Variants in PCDHA3 observed in about 807,000 individuals in gnomAD.
PCDHA3 encodes protocadherin alpha 3.
Under a neutral mutation model 62.2 loss-of-function variants are expected in PCDHA3, and 41 were observed. The observed-to-expected ratio is 0.66, with a 90% CI of 0.51 to 0.86. PCDHA3 has a LOEUF of 0.86. Ranked by LOEUF, PCDHA3 falls within the 40% of genes least tolerant of loss-of-function variation. PCDHA3 has a pLI of 0.00. For synonymous variants in PCDHA3, 640 were observed against 555.4 expected, an observed-to-expected ratio of 1.15 and a Z score of -2.14; for missense variants, 1,304 against 1,241.2, an observed-to-expected ratio of 1.05 and a Z score of -0.76.
At chr5:140,814,355 A>G (rs1266243705) in intron 1 of PCDHA3, 1 of 151,928 alleles carries the variant, frequency 6.6e-6, no homozygotes, top group African/African-American at 2.4e-5. Context: ...GGGCAGTTAC[A>G]CATGCGATGC....
chr5:140,883,946 G>C lies in PCDHA3; in HGVS notation c.2394+80355G>C, dbSNP rs139225969. ...GCAGGTGTTCGTGCTGGACGAGAACGACAACGCTCCGGCGCTGCTGACGCC... is the reference window on the plus strand; with the variant it reads ...GCAGGTGTTCGTGCTGGACGAGAACCACAACGCTCCGGCGCTGCTGACGCC... On this transcript the variant is annotated intron_variant, in intron 1 of 3. Coordinates refer to ENST00000522353, the MANE Select transcript of PCDHA3 (RefSeq NM_018906.3). The C allele has an allele frequency of 4.8e-5, 77 of 1,613,392 alleles. No individual in the cohort carries two copies. In the African/African-American group the frequency reaches 8.8e-4, roughly 18 times the overall value.
At chr5:141,003,046 A>C (rs530303478) in intron 3 of PCDHA3, among the ~76,000 whole-genome samples, 76 of 152,356 alleles carry the variant, frequency 5.0e-4, no homozygotes, top group African/African-American at 1.8e-3. Context: ...TCCTGGCCTT[A>C]ACAGAACAGT....
rs2150461190 is a variant in PCDHA3 at position 140,849,977 on chromosome 5, G to C, written c.2394+46386G>C. On this transcript the variant is annotated intron_variant, in intron 1 of 3. Coordinates refer to ENST00000522353, the MANE Select transcript of PCDHA3 (RefSeq NM_018906.3). ...AGAACGCCCTGGTGTCCTACTCGCT[G>C]GTGGAGCGGCGGTTGGGCGAGCGCT... 2.2e-5 allele frequency: 35 copies of C among 1,597,540 alleles called. 4 individuals are homozygous for C. The highest frequency in any genetic ancestry group is 3.0e-5 in the Non-Finnish European group (35 of 1,167,900).
At chr5:140,925,665 A>C (rs2082643258) in intron 1 of PCDHA3, among the ~76,000 whole-genome samples, 1 of 149,266 alleles carries the variant, frequency 6.7e-6, no homozygotes, top group Non-Finnish European at 1.5e-5. Flanking sequence ...TAATAATAAT[A>C]ATAATAATAA....
At chr5:140,907,411 GA>G (rs1435126945) in intron 1 of PCDHA3, among the ~76,000 whole-genome samples, 1 of 152,192 alleles carries the variant, frequency 6.6e-6, no homozygotes, top group Non-Finnish European at 1.5e-5. Flanking sequence ...GGAATACCAC[GA>G]TGGTGGATAA....
At chr5:140,883,521 T>G in intron 1 of PCDHA3, 1 of 1,614,202 alleles carries the variant, frequency 6.2e-7, no homozygotes, top group Non-Finnish European at 8.5e-7. Flanking sequence ...CGCGAGAGCG[T>G]ATCAGCCTAT....
At chr5:140,828,511 G>C in intron 1 of PCDHA3, 1 of 1,614,248 alleles carries the variant, frequency 6.2e-7, no homozygotes, top group Non-Finnish European at 8.5e-7. Flanking sequence ...AACAAAGAGT[G>C]CTGATTTACG....
At chr5:140,968,067 T>G in intron 1 of PCDHA3, 1 of 1,614,082 alleles carries the variant, frequency 6.2e-7, no homozygotes, top group Non-Finnish European at 8.5e-7. Context: ...CGGGTGGCTG[T>G]CTACAACATC....
At chr5:140,997,504 C>T (rs2097772452) in intron 3 of PCDHA3, among the ~76,000 whole-genome samples, 1 of 152,042 alleles carries the variant, frequency 6.6e-6, no homozygotes, top group South Asian at 2.1e-4. Flanking sequence ...TCTCAACATA[C>T]CTAAACGCAG....
chr5:140,803,165 A>G lies in PCDHA3; in HGVS notation c.1968A>G (p.Glu656=). ...TGGTGCTGGTGAAGGACCACGGTGA[A>G]CCCTCATTGACCGCCACGGCCACTG... ...RLLVLVKDHG[E]PSLTATATVL... The change falls in exon 1 of 4, where the codon GAA becomes GAG. Residue 656 remains glutamate, a synonymous_variant. Transcript: ENST00000522353. 6.2e-7 allele frequency: 1 copy of G among 1,613,822 alleles called. No individual in the cohort carries two copies. Among genetic ancestry groups the G allele is most frequent in the Non-Finnish European group, 8.5e-7 (1 of 1,179,920 alleles).
intron 1 of PCDHA3, chr5:140,824,264 C>T (rs2150133767): frequency 7.8e-7 from 1 of 1,285,750 alleles, no homozygotes; most frequent in South Asian, 1.3e-5. Context: ...TGCACTAATT[C>T]ATGTATTATA....
chr5:140,876,827 C>A, intron 1 of PCDHA3: 3 of 1,614,182 alleles, frequency 1.9e-6, no homozygotes, highest in South Asian at 1.1e-5. Context: ...AACGACAATG[C>A]GCCTGCGTTC....
At chr5:140,915,232 C>T (rs1554196813) in intron 1 of PCDHA3, among the ~76,000 whole-genome samples, 1 of 152,156 alleles carries the variant, frequency 6.6e-6, no homozygotes, top group Non-Finnish European at 1.5e-5. Flanking sequence ...CAGGCATGAG[C>T]CACCATGCCT....
chr5:140,962,557 C>A (rs1554226125), intron 1 of PCDHA3, among the ~76,000 whole-genome samples: 2 of 152,112 alleles, frequency 1.3e-5, no homozygotes, highest in Admixed American at 6.6e-5. Flanking sequence ...AGGATCTCCC[C>A]CTAAAAGCCA....
At chr5:140,848,487 G>C (rs782524885) in intron 1 of PCDHA3, 2 of 1,574,380 alleles carry the variant, frequency 1.3e-6, no homozygotes, top group Non-Finnish European at 1.7e-6. Flanking sequence ...AGAAGACTGA[G>C]TATTTGAAAT....
intron 1 of PCDHA3, chr5:140,928,628 T>G: frequency 6.2e-7 from 1 of 1,614,222 alleles, no homozygotes; most frequent in Non-Finnish European, 8.5e-7. Context: ...ACTGGACACT[T>G]GGTCACAAAA....
At chr5:140,968,612 C>A (rs782101758) in intron 1 of PCDHA3, 2 of 1,614,204 alleles carry the variant, frequency 1.2e-6, no homozygotes, top group East Asian at 2.2e-5. Flanking sequence ...AGACTCTGGG[C>A]AAAATGCTTG....
intron 1 of PCDHA3, chr5:140,847,603 G>A (rs2150402221): frequency 1.3e-5 from 2 of 149,376 alleles, no homozygotes; most frequent in Non-Finnish European, 3.0e-5. Context: ...AAAACATATT[G>A]TAATAACATT....
intron 1 of PCDHA3, among the ~76,000 whole-genome samples, chr5:140,820,722 AC>A (rs1367425301): frequency 6.6e-6 from 1 of 152,090 alleles, no homozygotes; most frequent in Non-Finnish European, 1.5e-5. Context: ...ATTTACTGGA[AC>A]CTAAACATTT....
Sources: gnomAD v4.1 joint callset for allele counts (sites outside exome capture counted in the v4.1 genomes callset) on GRCh38, gnomAD v4.1.1 for gene constraint, MANE v1.5 for transcripts, NCBI Gene and HGNC (gene_info 2026-07-23, HGNC 2026-07-21) for gene names.